Variants in FA2H observed in about 807,000 individuals in gnomAD.
The protein encoded by FA2H is fatty acid alpha-hydroxylase.
A neutral mutation model predicts 44.9 loss-of-function variants in FA2H; 22 were observed. That is an observed-to-expected ratio of 0.49 (90% CI 0.35 to 0.70). FA2H has a LOEUF of 0.70. Among genes scored for constraint, FA2H ranks in the 30% least tolerant of loss-of-function variants. The probability of loss-of-function intolerance (pLI) is 0.01; values close to 1 mark genes in which losing one functional copy is unlikely to be tolerated. For synonymous variants in FA2H, 243 were observed against 213.2 expected, an observed-to-expected ratio of 1.14 and a Z score of -1.22; for missense variants, 501 against 504.9, an observed-to-expected ratio of 0.99 and a Z score of 0.07.
chr16:74,734,991 G>T (rs1433273214), intron 2 of FA2H, among the ~76,000 whole-genome samples: 1 of 152,230 alleles, frequency 6.6e-6, no homozygotes, highest in Admixed American at 6.5e-5. Context: ...GTGGGGGCCG[G>T]TTGTCTGCAA....
chr16:74,713,486 C>A lies in FA2H; in HGVS notation c.*704G>T, dbSNP rs937497254. 6.6e-6 allele frequency: 1 copy of A among 152,268 alleles called. No homozygotes were observed. The highest frequency in any genetic ancestry group is 2.4e-5 in the African/African-American group (1 of 41,446). 9.4% of individuals were successfully genotyped at this position (152,268 alleles called of 1,614,324 possible). A position where few individuals can be genotyped will look rare whatever the true frequency, so the allele number is the denominator to read the frequency against. ...GGGGCTGCCACTGGTGGAGAAGCCTCCTCAGCCTCCCTTGGGGAGAAGGGC... is the reference window on the plus strand; with the variant it reads ...GGGGCTGCCACTGGTGGAGAAGCCTACTCAGCCTCCCTTGGGGAGAAGGGC... On this transcript the variant is annotated 3_prime_UTR_variant, in exon 7 of 7. Transcript: ENST00000219368.
chr16:74,761,547 G>A (rs1035251165), intron 1 of FA2H, among the ~76,000 whole-genome samples: 5 of 152,080 alleles, frequency 3.3e-5, no homozygotes, highest in Admixed American at 1.3e-4. Context: ...AGGGATCATC[G>A]TTATCCAACT....
chr16:74,727,497 A>G, intron 2 of FA2H, 111 bp from the exon 3 acceptor site: 1 of 1,222,066 alleles, frequency 8.2e-7, no homozygotes, highest in Admixed American at 1.8e-5. Flanking sequence ...AGCTCCTGTG[A>G]TCTGTGTGGG....
chr16:74,728,925 G>C (rs1318442497), intron 2 of FA2H, among the ~76,000 whole-genome samples: 1 of 149,772 alleles, frequency 6.7e-6, no homozygotes, highest in East Asian at 1.9e-4. Flanking sequence ...TGGGACTACA[G>C]GCACGCACCA....
intron 1 of FA2H, among the ~76,000 whole-genome samples, chr16:74,764,723 G>T (rs1962775442): frequency 6.8e-6 from 1 of 146,838 alleles, no homozygotes; most frequent in Non-Finnish European, 1.5e-5. Context: ...GAACTTAGAA[G>T]TTTAAAAAAA....
intron 2 of FA2H, among the ~76,000 whole-genome samples, chr16:74,737,643 CG>C: frequency 6.6e-6 from 1 of 152,160 alleles, no homozygotes; most frequent in African/African-American, 2.4e-5. Flanking sequence ...AACTGGGCCC[CG>C]GGAGGCCAGG....
intron 4 of FA2H, among the ~76,000 whole-genome samples, chr16:74,722,551 A>C (rs1476615505): frequency 6.6e-6 from 1 of 152,018 alleles, no homozygotes; most frequent in East Asian, 1.9e-4. Context: ...GAAAAAAAGA[A>C]AAGAAAACGT....
intron 5 of FA2H, 45 bp downstream of exon 5, chr16:74,718,943 C>T (rs6564161): frequency 7.5e-6 from 12 of 1,606,544 alleles, no homozygotes; most frequent in East Asian, 4.5e-5. Context: ...CGGGCCCTCT[C>T]GGGCTGCACA....
chr16:74,745,898 T>C (rs1012312168), intron 1 of FA2H, among the ~76,000 whole-genome samples: 1 of 150,690 alleles, frequency 6.6e-6, no homozygotes, highest in Non-Finnish European at 1.5e-5. Flanking sequence ...CTCTGTGTCC[T>C]GAGTTCAAGC....
chr16:74,740,988 G>A (rs575971678), intron 1 of FA2H, among the ~76,000 whole-genome samples: 8 of 152,250 alleles, frequency 5.3e-5, no homozygotes, highest in East Asian at 1.9e-4. Flanking sequence ...GCAGCCACAC[G>A]TGGGGTGGGA....
chr16:74,755,853 C>T (rs1962600690), intron 1 of FA2H, among the ~76,000 whole-genome samples: 1 of 151,510 alleles, frequency 6.6e-6, no homozygotes, highest in Non-Finnish European at 1.5e-5. Flanking sequence ...TCTTTTCCCC[C>T]TACTAAGCGT....
intron 1 of FA2H, among the ~76,000 whole-genome samples, chr16:74,741,776 ATATATATATAT>A (rs1482790291): frequency 1.1e-4 from 4 of 36,628 alleles, no homozygotes; most frequent in Non-Finnish European, 1.8e-4. Context: ...CTGATTAAAT[ATATATATATAT>A]ATATATATAT....
intron 1 of FA2H, 102 bp from the exon 2 acceptor site, chr16:74,740,217 C>T (rs964334905): frequency 1.4e-5 from 13 of 900,106 alleles, no homozygotes; most frequent in African/African-American, 1.1e-4. Context: ...GTGAGAGCCC[C>T]GTGGGTGGGG....
At chr16:74,735,053 A>T (rs751558562) in intron 2 of FA2H, among the ~76,000 whole-genome samples, 18 of 152,242 alleles carry the variant, frequency 1.2e-4, no homozygotes, top group Non-Finnish European at 2.2e-4. Context: ...ATCCTTCATG[A>T]GCCTTAATTC....
At position 74,713,167 on chromosome 16, in the gene FA2H, G is replaced by A. The variant is rs1265354484; in HGVS notation, c.*1023C>T. The A allele has an allele frequency of 6.6e-6, 1 of 152,610 alleles. No homozygotes were observed. Among genetic ancestry groups the A allele is most frequent in the Non-Finnish European group, 1.5e-5 (1 of 68,036 alleles). 9.5% of individuals were successfully genotyped at this position (152,610 alleles called of 1,614,324 possible). A position where few individuals can be genotyped will look rare whatever the true frequency, so the allele number is the denominator to read the frequency against. Reference sequence around the variant, plus strand: ...GTAGTAATGGTTTGTGGGTAAGAAAGGAACCAAAAACAGGAGGAAACAACA... The same window carrying A: ...GTAGTAATGGTTTGTGGGTAAGAAAAGAACCAAAAACAGGAGGAAACAACA... On this transcript the variant is annotated 3_prime_UTR_variant, in exon 7 of 7. Coordinates refer to ENST00000219368, the MANE Select transcript of FA2H (RefSeq NM_024306.5).
intron 1 of FA2H, among the ~76,000 whole-genome samples, chr16:74,753,432 A>G (rs1335093337): frequency 6.6e-6 from 1 of 152,174 alleles, no homozygotes; most frequent in African/African-American, 2.4e-5. Flanking sequence ...CATGCCTCCC[A>G]GCACTTTGGG....
intron 5 of FA2H, among the ~76,000 whole-genome samples, chr16:74,718,042 C>A (rs955541061): frequency 1.3e-5 from 2 of 152,120 alleles, no homozygotes; most frequent in Non-Finnish European, 2.9e-5. Context: ...CTGATACTGG[C>A]CCCTAGGAAA....
intron 1 of FA2H, among the ~76,000 whole-genome samples, chr16:74,769,720 C>A (rs369501035): frequency 4.4e-4 from 67 of 152,270 alleles, no homozygotes; most frequent in African/African-American, 1.2e-3. Flanking sequence ...AAATGCCGGT[C>A]GCAGCTCAAT....
At chr16:74,741,808 A>ATATATATATATATATATATGTG (rs1491185782) in intron 1 of FA2H, among the ~76,000 whole-genome samples, 5 of 48,392 alleles carry the variant, frequency 1.0e-4, no homozygotes, top group Non-Finnish European at 1.8e-4. Flanking sequence ...ATATATATAT[A>ATATATATATATATATATATGTG]TGTGTGTGTG....
Sources: gnomAD v4.1 joint callset for allele counts (sites outside exome capture counted in the v4.1 genomes callset) on GRCh38, gnomAD v4.1.1 for gene constraint, MANE v1.5 for transcripts, NCBI Gene and HGNC (gene_info 2026-07-23, HGNC 2026-07-21) for gene names.